SUPT16H: variants seen among roughly 807,000 people sequenced by gnomAD.
SUPT16H encodes the protein SPT16 homolog, facilitates chromatin remodeling subunit.
SUPT16H carries 24 observed loss-of-function variants against 136.2 expected under a neutral mutation model. That is an observed-to-expected ratio of 0.18 (90% confidence interval 0.13 to 0.25). The LOEUF (loss-of-function observed/expected upper bound fraction) is 0.25. Ranked by LOEUF, SUPT16H falls within the 10% of genes least tolerant of loss-of-function variation. The pLI, the probability that SUPT16H is intolerant of heterozygous loss-of-function variation, is 1.00. For synonymous variants in SUPT16H, 415 were observed against 428.2 expected (o/e 0.97, Z 0.38); for missense variants, 623 against 1,270.2 (o/e 0.49, Z 7.74).
intron 5 of SUPT16H, 53 bp from the exon 6 acceptor site, chr14:21,369,408 G>T: frequency 6.2e-7 from 1 of 1,606,742 alleles, no homozygotes; most frequent in Non-Finnish European, 8.5e-7. Flanking sequence ...AGCAAAGCGG[G>T]GTGTGTGGAC....
intron 22 of SUPT16H, among the ~76,000 whole-genome samples, chr14:21,355,513 T>TAAAAAAAA (rs59639210): frequency 2.0e-4 from 23 of 113,414 alleles, no homozygotes; most frequent in South Asian, 2.8e-4. Context: ...ATAATAATAA[T>TAAAAAAAA]AAAAAAAAAA....
intron 7 of SUPT16H, among the ~76,000 whole-genome samples, chr14:21,367,365 T>C (rs571657715): frequency 1.6e-3 from 243 of 152,342 alleles, no homozygotes; most frequent in South Asian, 2.7e-3. Flanking sequence ...ATCCTTGTGG[T>C]GGGCCTGTTC....
chr14:21,368,213 G>A (rs1003292619), intron 7 of SUPT16H, 56 bp downstream of exon 7: 16 of 1,551,314 alleles, frequency 1.0e-5, no homozygotes, highest in Middle Eastern at 2.3e-4. Context: ...CACAGCTCCC[G>A]GCCAATGACA....
chr14:21,360,745 A>C, intron 17 of SUPT16H, 101 bp downstream of exon 17: 117 of 1,504,878 alleles, frequency 7.8e-5, no homozygotes, highest in Middle Eastern at 2.0e-4. Context: ...CAACTGAGCT[A>C]ACCGGCGGAT....
At chr14:21,360,367 G>A in intron 18 of SUPT16H, 48 bp downstream of exon 18, 3 of 1,362,762 alleles carry the variant, frequency 2.2e-6, no homozygotes, top group Non-Finnish European at 3.1e-6. Context: ...TGAGTGAAAT[G>A]AAGTGTCTTG....
chr14:21,361,379 C>A, intron 15 of SUPT16H, 166 bp from the exon 16 acceptor site: 2 of 800,592 alleles, frequency 2.5e-6, no homozygotes, highest in Non-Finnish European at 4.0e-6. Context: ...TGCAGTGGCC[C>A]AATCTTAGCT....
intron 3 of SUPT16H, among the ~76,000 whole-genome samples, chr14:21,370,951 A>G (rs1169087257): frequency 6.6e-6 from 1 of 151,860 alleles, no homozygotes; most frequent in Non-Finnish European, 1.5e-5. Flanking sequence ...AATTTTTTAT[A>G]TTTTTAGTAG....
rs767565640 is a variant in SUPT16H at position 21,370,521 on chromosome 14, TGTTTTACCAGTTCATTAGACAC to T, written c.331-55_331-34del. ...TGTCATAGGGAAGAAAAGACACATA[TGTTTTACCAGTTCATTAGACAC>T]GTTTTACCAGTAACAGGTAGAATAA... On this transcript the variant is annotated intron_variant, in intron 3 of 25. Coordinates refer to ENST00000216297, the MANE Select transcript of SUPT16H (RefSeq NM_007192.4). 2.1e-5 allele frequency: 33 copies of T among 1,609,572 alleles called. No individual in the cohort carries two copies. In the South Asian group the frequency reaches 2.9e-4, roughly 14 times the overall value.
chr14:21,376,054 G>A (rs1886895105), intron 1 of SUPT16H, among the ~76,000 whole-genome samples: 1 of 152,104 alleles, frequency 6.6e-6, no homozygotes, highest in African/African-American at 2.4e-5. Flanking sequence ...ATGGTCTGAG[G>A]ACTAACCCAA....
rs1286563392 is a variant in SUPT16H at position 21,363,492 on chromosome 14, A to G, written c.1245T>C (p.Ala415=). 4 of 1,613,078 alleles carry G rather than the reference A, an allele frequency of 2.5e-6. No homozygotes were observed. Among genetic ancestry groups the G allele is most frequent in the Non-Finnish European group, 3.4e-6 (4 of 1,179,848 alleles). Residue 415 remains alanine, a synonymous_variant, in exon 11 of 26, where the codon GCT becomes GCC. Coordinates refer to ENST00000216297, the MANE Select transcript of SUPT16H (RefSeq NM_007192.4). ...DTVLVDEDGP[A]TVLTSVKKKV... ...TCTTCTTCACAGAAGTGAGAACAGTAGCTGGGCCATCCTAGAATTAAAAGG... is the reference window on the plus strand; with the variant it reads ...TCTTCTTCACAGAAGTGAGAACAGTGGCTGGGCCATCCTAGAATTAAAAGG...
chr14:21,383,072 G>A (rs910245569), intron 1 of SUPT16H: 3 of 152,456 alleles, frequency 2.0e-5, no homozygotes, highest in African/African-American at 7.2e-5. Context: ...CTGCATCACA[G>A]AATGCAACCA....
intron 21 of SUPT16H, 21 bp from the exon 22 acceptor site, chr14:21,357,387 C>G (rs776046423): frequency 3.7e-5 from 57 of 1,554,586 alleles, no homozygotes; most frequent in Non-Finnish European, 4.5e-5. Context: ...GAAACTGAAT[C>G]ATTAGCATAT....
At position 21,352,818 on chromosome 14, in the gene SUPT16H, G is replaced by A; in HGVS notation, c.2999C>T (p.Ala1000Val). 1 of 1,613,944 alleles carries A rather than the reference G, an allele frequency of 6.2e-7. No individual in the cohort carries two copies. Among genetic ancestry groups the A allele is most frequent in the Non-Finnish European group, 8.5e-7 (1 of 1,179,988 alleles). Reference protein sequence around the residue: ...WDELEEEARKADRESRYEEEE... With the variant: ...WDELEEEARKVDRESRYEEEE... ...TTCCTCGTAACGACTTTCTCGGTCCGCTAAATAGAAGAGGCATTATTAGTT... is the reference window on the plus strand; with the variant it reads ...TTCCTCGTAACGACTTTCTCGGTCCACTAAATAGAAGAGGCATTATTAGTT... The change falls in exon 26 of 26, where the codon GCG becomes GTG. Residue 1000 changes from alanine (A) to valine (V), a missense_variant and splice_region_variant. Physicochemically the swap from Ala to Val is moderately conservative, Grantham distance 64. Around this residue, in one of 7 missense-constraint regions of SUPT16H, gnomAD observed 88 missense variants for 135.5 expected, o/e 0.65. Coordinates refer to ENST00000216297, the MANE Select transcript of SUPT16H (RefSeq NM_007192.4).
At chr14:21,366,306 G>C in intron 8 of SUPT16H, 133 bp downstream of exon 8, 1 of 799,952 alleles carries the variant, frequency 1.3e-6, no homozygotes, top group South Asian at 1.7e-5. Flanking sequence ...AACATCATGT[G>C]CCTGGCACAT....
intron 7 of SUPT16H, among the ~76,000 whole-genome samples, chr14:21,367,860 A>G (rs1378645778): frequency 2.6e-5 from 4 of 152,212 alleles, no homozygotes; most frequent in Non-Finnish European, 4.4e-5. Context: ...TGTTTTTAAT[A>G]TGAGAGCCTC....
At chr14:21,383,438 C>G (rs1261650373) in intron 1 of SUPT16H, 1 of 530,656 alleles carries the variant, frequency 1.9e-6, no homozygotes, top group African/African-American at 2.0e-5. Flanking sequence ...GCCCTTCCAT[C>G]TCTCCTTTAC....
intron 6 of SUPT16H, 86 bp downstream of exon 6, chr14:21,369,118 G>GT (rs1886734530): frequency 4.7e-6 from 7 of 1,475,992 alleles, no homozygotes; most frequent in Admixed American, 2.1e-5. Context: ...AAATTTCAGT[G>GT]TACCCCACAA....
At chr14:21,378,080 G>A (rs1299066169) in intron 1 of SUPT16H, among the ~76,000 whole-genome samples, 4 of 152,106 alleles carry the variant, frequency 2.6e-5, no homozygotes, top group African/African-American at 9.7e-5. Context: ...GTGGGGGGTG[G>A]AAGTGGGGAG....
At chr14:21,353,080 G>T (rs988609444) in intron 25 of SUPT16H, among the ~76,000 whole-genome samples, 2 of 152,184 alleles carry the variant, frequency 1.3e-5, no homozygotes, top group African/African-American at 2.4e-5. Flanking sequence ...TAAAACGTTT[G>T]TTTGGGGTTT....
Sources: gnomAD v4.1 joint callset for allele counts (sites outside exome capture counted in the v4.1 genomes callset) on GRCh38, gnomAD v4.1.1 for gene constraint, gnomAD v4.1.1 regional missense constraint, MANE v1.5 for transcripts, NCBI Gene and HGNC (gene_info 2026-07-23, HGNC 2026-07-21) for gene names.